SYT7: variants seen among roughly 807,000 people sequenced by gnomAD.
The protein encoded by SYT7 is synaptotagmin-7.
A neutral mutation model predicts 75.1 loss-of-function variants in SYT7; 29 were observed. The ratio of observed to expected loss-of-function variants is 0.39; its 90% confidence interval spans 0.29 to 0.53. SYT7 has a LOEUF of 0.53. Ranked by LOEUF, SYT7 falls within the 20% of genes least tolerant of loss-of-function variation. The pLI, the probability that SYT7 is intolerant of heterozygous loss-of-function variation, is 0.77. For missense variants in SYT7, 693 were observed against 953.2 expected (o/e 0.73, Z 3.59); for synonymous variants, 376 against 401.7 (o/e 0.94, Z 0.76).
chr11:61,585,170 A>G (rs1435817953), upstream of SYT7, among the ~76,000 whole-genome samples: 2 of 152,226 alleles, frequency 1.3e-5, no homozygotes, highest in African/African-American at 4.8e-5. Flanking sequence ...GGCCATGGCT[A>G]GGAGGCAGGG....
intron 6 of SYT7, chr11:61,539,888 G>A (rs1374551270): frequency 6.6e-6 from 1 of 152,006 alleles, no homozygotes; most frequent in Non-Finnish European, 1.5e-5. Context: ...TCTAACTTTC[G>A]GGAAACAACT....
At chr11:61,572,013 A>G (rs2063935315) in intron 1 of SYT7, among the ~76,000 whole-genome samples, 1 of 152,096 alleles carries the variant, frequency 6.6e-6, no homozygotes, top group Non-Finnish European at 1.5e-5. Flanking sequence ...CTGCCCAAGC[A>G]TCTTAGAGTT....
chr11:61,527,785 T>G (rs2062567965), intron 9 of SYT7, 130 bp downstream of exon 9: 3 of 1,063,850 alleles, frequency 2.8e-6, no homozygotes, highest in South Asian at 1.5e-5. Context: ...GCATGTGTGT[T>G]TGTGCATTTG....
At chr11:61,541,085 G>A (rs556468833) in intron 6 of SYT7, 32 of 985,508 alleles carry the variant, frequency 3.2e-5, no homozygotes, top group Non-Finnish European at 3.9e-5. Flanking sequence ...CTCTCCCAGG[G>A]CAGTGCTCCC....
intron 6 of SYT7, among the ~76,000 whole-genome samples, chr11:61,539,272 G>A (rs1286759771): frequency 1.3e-5 from 2 of 152,180 alleles, no homozygotes; most frequent in African/African-American, 4.8e-5. Flanking sequence ...GAGTGGACAT[G>A]TGGGCAGCCG....
Position 61,524,778 on chromosome 11 carries a change from G to T in SYT7, c.1472-246C>A. ...GCATCTCGTCCATCTTACAGATGAG[G>T]CTCAGACGGCTTAAAGTACTTGCCC... On this transcript the variant is annotated intron_variant, in intron 9 of 12. Coordinates refer to ENST00000539008, the MANE Select transcript of SYT7 (RefSeq NM_001365809.2). The surrounding 1 kb of genome is among the most constrained non-coding windows in gnomAD (Gnocchi z 4.1). 1 of 430,506 alleles carries T rather than the reference G, an allele frequency of 2.3e-6. No individual in the cohort carries two copies. The highest frequency in any genetic ancestry group is 4.2e-6 in the Non-Finnish European group (1 of 240,318). The allele number at this position is 430,506 out of a possible 1,614,324, so 26.7% of individuals were successfully genotyped here. A position where few individuals can be genotyped will look rare whatever the true frequency, so the allele number is the denominator to read the frequency against.
At chr11:61,552,454 AC>A (rs1565194194) in intron 2 of SYT7, among the ~76,000 whole-genome samples, 11 of 133,582 alleles carry the variant, frequency 8.2e-5, no homozygotes, top group African/African-American at 3.7e-4. Flanking sequence ...CCCCGGCTGC[AC>A]ACACACACAC....
chr11:61,546,735 A>C lies in SYT7; in HGVS notation c.347+442T>G, dbSNP rs2135275085. On this transcript the variant is annotated intron_variant, in intron 4 of 12. Transcript: ENST00000539008. This position sits in a 1 kb window ranked among gnomAD's most constrained non-coding sequence, Gnocchi z 7.6. ...GTCAGAGTTCATCACCACCACCACCACCATCACCGCCACCACCGCCACGAA... is the reference window on the plus strand; with the variant it reads ...GTCAGAGTTCATCACCACCACCACCCCCATCACCGCCACCACCGCCACGAA... 2 of 433,590 alleles carry C rather than the reference A, an allele frequency of 4.6e-6. No homozygotes were observed. Among genetic ancestry groups the C allele is most frequent in the Non-Finnish European group, 9.3e-6 (2 of 216,134 alleles). The allele number at this position is 433,590 out of a possible 1,614,324, so 26.9% of individuals were successfully genotyped here. A position where few individuals can be genotyped will look rare whatever the true frequency, so the allele number is the denominator to read the frequency against.
At chr11:61,535,857 C>T (rs1294588135) in intron 7 of SYT7, among the ~76,000 whole-genome samples, 1 of 152,066 alleles carries the variant, frequency 6.6e-6, no homozygotes, top group African/African-American at 2.4e-5. Flanking sequence ...AAAGGTGGGG[C>T]TGGGGGCAGA....
Position 61,546,777 on chromosome 11 carries a change from A to T in SYT7, c.347+400T>A. ...CGCCACGAACCACCGACCACCGACC[A>T]CCGACCACCGAGCAGCCACGGCAGC... On this transcript the variant is annotated intron_variant, in intron 4 of 12. Transcript: ENST00000539008. This position sits in a 1 kb window ranked among gnomAD's most constrained non-coding sequence, Gnocchi z 7.6. 1 of 387,972 alleles carries T rather than the reference A, an allele frequency of 2.6e-6. No homozygotes were observed. The allele number at this position is 387,972 out of a possible 1,614,324, so 24.0% of individuals were successfully genotyped here.
At chr11:61,541,371 CTG>C (rs1302041953) in intron 6 of SYT7, 1 of 918,436 alleles carries the variant, frequency 1.1e-6, no homozygotes, top group Non-Finnish European at 1.3e-6. Flanking sequence ...GTCTTAGGCT[CTG>C]AGAGTGGGGG....
chr11:61,558,503 C>CAT (rs1555015840), intron 1 of SYT7, among the ~76,000 whole-genome samples: 50 of 132,378 alleles, frequency 3.8e-4, no homozygotes, highest in Admixed American at 1.0e-3. Flanking sequence ...CACACACACA[C>CAT]ATACACACAC....
chr11:61,540,946 T>C, intron 6 of SYT7: 1 of 985,350 alleles, frequency 1.0e-6, no homozygotes, highest in Non-Finnish European at 1.2e-6. Flanking sequence ...GGTCCTTGAG[T>C]GGGGTAGAGC....
In SYT7 at chr11:61,524,463, C is replaced by A; in HGVS notation, c.1541G>T (p.Arg514Leu). The change falls in exon 10 of 13, where the codon CGC becomes CTC. Residue 514 changes from arginine (R) to leucine (L), a missense_variant. By Grantham distance (102) the Arg-to-Leu change is moderately radical (BLOSUM62 -2). Around this residue, in one of 2 missense-constraint regions of SYT7, gnomAD observed 206 missense variants for 360.0 expected, o/e 0.57. Coordinates refer to ENST00000539008, the MANE Select transcript of SYT7 (RefSeq NM_001365809.2). This position sits in a 1 kb window ranked among gnomAD's most constrained non-coding sequence, Gnocchi z 4.1. The stretch of plus-strand genomic sequence containing the variant: ...GGACACCTCCCCAATGGGGTCGTTG[C>A]GGCTGAAGCGGTCATAGTCCAGGAC... Reference protein sequence around the residue: ...LQVLDYDRFSRNDPIGEVSIP... With the variant: ...LQVLDYDRFSLNDPIGEVSIP... 1.2e-6 allele frequency: 2 copies of A among 1,613,068 alleles called. No homozygotes were observed. The highest frequency in any genetic ancestry group is 2.2e-5 in the East Asian group (1 of 44,870).
intron 3 of SYT7, among the ~76,000 whole-genome samples, chr11:61,548,049 A>C (rs1804348138): frequency 6.6e-6 from 1 of 152,098 alleles, no homozygotes; most frequent in Non-Finnish European, 1.5e-5. Flanking sequence ...GCCTTAACCT[A>C]AGACTGGGGG....
Position 61,546,134 on chromosome 11 carries a change from C to A in SYT7, c.469G>T (p.Gly157Cys), listed in dbSNP as rs1488593786. Residue 157 changes from glycine to cysteine, a missense_variant, in exon 5 of 13, where the codon GGC becomes TGC. Around this residue, in one of 2 missense-constraint regions of SYT7, gnomAD observed 487 missense variants for 593.2 expected, o/e 0.82. Transcript: ENST00000539008. The surrounding 1 kb of genome is among the most constrained non-coding windows in gnomAD (Gnocchi z 7.6). Reference protein sequence around the residue: ...PPPGEDALRSGGAAPSEPGSG... With the variant: ...PPPGEDALRSCGAAPSEPGSG... The stretch of plus-strand genomic sequence containing the variant: ...CCCGGCTCGCTGGGGGCAGCCCCGC[C>A]GCTTCTCAAGGCGTCCTCTCCGGGT... 3 of 1,529,920 alleles carry A rather than the reference C, an allele frequency of 2.0e-6. No homozygotes were observed. The highest frequency in any genetic ancestry group is 1.7e-6 in the Non-Finnish European group (2 of 1,144,240). The allele number at this position is 1,529,920 out of a possible 1,614,324, so 94.8% of individuals were successfully genotyped here.
chr11:61,527,775 G>T, intron 9 of SYT7, 140 bp downstream of exon 9: 1 of 985,562 alleles, frequency 1.0e-6, no homozygotes, highest in Non-Finnish European at 1.5e-6. Context: ...GTATCTGCTT[G>T]CATGTGTGTT....
intron 7 of SYT7, among the ~76,000 whole-genome samples, chr11:61,534,301 C>T (rs2062798831): frequency 6.6e-6 from 1 of 152,232 alleles, no homozygotes; most frequent in Non-Finnish European, 1.5e-5. Flanking sequence ...CAGGCACAGA[C>T]AGACATGCAT....
intron 1 of SYT7, among the ~76,000 whole-genome samples, chr11:61,557,211 G>C (rs567325777): frequency 6.6e-6 from 1 of 152,330 alleles, no homozygotes; most frequent in South Asian, 2.1e-4. Flanking sequence ...GCAGTGAGTG[G>C]AGACCCGCAT....
Sources: gnomAD v4.1 joint callset for allele counts (sites outside exome capture counted in the v4.1 genomes callset) on GRCh38, gnomAD v4.1.1 for gene constraint, gnomAD v4.1.1 regional missense constraint, Gnocchi (gnomAD v3.1) non-coding constraint, MANE v1.5 for transcripts, NCBI Gene and HGNC (gene_info 2026-07-23, HGNC 2026-07-21) for gene names.